Variants in CFAP91 observed in about 807,000 individuals in gnomAD.
The protein encoded by CFAP91 is cilia and flagella associated protein 91.
Under a neutral mutation model 95.9 loss-of-function variants are expected in CFAP91, and 85 were observed. The ratio of observed to expected loss-of-function variants is 0.89; its 90% confidence interval spans 0.74 to 1.06. The LOEUF (loss-of-function observed/expected upper bound fraction) is 1.06. Ranked by LOEUF, CFAP91 falls within the 50% of genes least tolerant of loss-of-function variation. CFAP91 has a pLI of 0.00. For synonymous variants in CFAP91, 335 were observed against 327.5 expected, an observed-to-expected ratio of 1.02 and a Z score of -0.25; for missense variants, 962 against 943.4, an observed-to-expected ratio of 1.02 and a Z score of -0.26.
chr3:119,705,234 T>C (rs578013520), intron 1 of CFAP91, among the ~76,000 whole-genome samples: 6 of 152,222 alleles, frequency 3.9e-5, no homozygotes, highest in Non-Finnish European at 8.8e-5. Context: ...AAAATTTAAG[T>C]TAGAAATTTA....
intron 1 of CFAP91, among the ~76,000 whole-genome samples, chr3:119,704,385 AGGAAGCGAAG>A (rs956594225): frequency 6.6e-6 from 1 of 152,214 alleles, no homozygotes. Flanking sequence ...AGTCATGGAC[AGGAAGCGAAG>A]TATAGCCAGG....
chr3:119,740,521 G>A (rs1295726877), intron 12 of CFAP91, 28 bp from the exon 13 acceptor site: 2 of 1,607,956 alleles, frequency 1.2e-6, no homozygotes, highest in Non-Finnish European at 1.7e-6. Flanking sequence ...GTAACTTGCA[G>A]GTCTGTCTTT....
At chr3:119,757,325 C>G (rs1421939062) in intron 17 of CFAP91, among the ~76,000 whole-genome samples, 1 of 151,994 alleles carries the variant, frequency 6.6e-6, no homozygotes, top group African/African-American at 2.4e-5. Context: ...AACTAACAAG[C>G]AAGTGGAGAG....
intron 1 of CFAP91, among the ~76,000 whole-genome samples, chr3:119,705,518 C>G (rs958222199): frequency 1.3e-5 from 2 of 152,184 alleles, no homozygotes; most frequent in Non-Finnish European, 2.9e-5. Flanking sequence ...TCAGATGTAT[C>G]AGGCATGCTC....
intron 6 of CFAP91, among the ~76,000 whole-genome samples, chr3:119,719,763 C>T (rs76166263): frequency 0.019 from 2,948 of 152,236 alleles, 36 homozygotes; most frequent in Middle Eastern, 0.065. Context: ...GAATAAACAA[C>T]TTAAGAAATA....
chr3:119,715,509 A>C, intron 5 of CFAP91, 53 bp from the exon 6 acceptor site: 1 of 1,416,404 alleles, frequency 7.1e-7, no homozygotes, highest in Non-Finnish European at 1.0e-6. Flanking sequence ...ATTATATAAT[A>C]TTTTAAGTGA....
intron 13 of CFAP91, among the ~76,000 whole-genome samples, chr3:119,743,211 G>A (rs914129112): frequency 2.0e-5 from 3 of 150,930 alleles, no homozygotes; most frequent in African/African-American, 7.3e-5. Context: ...TCTGCCTCCT[G>A]GGCGCAGGCA....
chr3:119,736,127 CA>C (rs1464350293), intron 10 of CFAP91, among the ~76,000 whole-genome samples: 3 of 152,028 alleles, frequency 2.0e-5, no homozygotes, highest in Admixed American at 6.6e-5. Context: ...AGCATATTTA[CA>C]AATCTGTGCA....
In CFAP91 at chr3:119,703,083, G is replaced by A; in HGVS notation, c.-16G>A. 1.3e-6 allele frequency: 2 copies of A among 1,551,214 alleles called. No homozygotes were observed. Among genetic ancestry groups the A allele is most frequent in the Non-Finnish European group, 1.7e-6 (2 of 1,147,308 alleles). ...ACCCGCTGGTCCCTTGCTGGCGGGA[G>A]GAAAGAGGCGGCACCATGAGCCACG... On this transcript the variant is annotated 5_prime_UTR_variant, in exon 1 of 18. Transcript: ENST00000273390.
At chr3:119,708,743 A>ATAT in intron 4 of CFAP91, 69 bp downstream of exon 4, 9 of 947,082 alleles carry the variant, frequency 9.5e-6, no homozygotes, top group Non-Finnish European at 1.5e-5. Flanking sequence ...GATAATAATA[A>ATAT]TAGTTATCAT....
At chr3:119,759,656 C>T (rs935436396) in intron 17 of CFAP91, among the ~76,000 whole-genome samples, 1 of 151,840 alleles carries the variant, frequency 6.6e-6, no homozygotes, top group African/African-American at 2.4e-5. Context: ...AAAGACAAAA[C>T]TATTAAAAAT....
intron 5 of CFAP91, among the ~76,000 whole-genome samples, chr3:119,712,201 T>C (rs1214562661): frequency 6.6e-6 from 1 of 152,076 alleles, no homozygotes; most frequent in Non-Finnish European, 1.5e-5. Context: ...CATATTTTAC[T>C]CTCCCCTAAA....
chr3:119,715,549 T>C lies in CFAP91; in HGVS notation c.501-13T>C. 6.2e-7 allele frequency: 1 copy of C among 1,611,616 alleles called. No individual in the cohort carries two copies. Among genetic ancestry groups the C allele is most frequent in the Non-Finnish European group, 8.5e-7 (1 of 1,178,268 alleles). ...AACAGGTTTCAATTTTTAAACTGAT[T>C]TTTCTCTTTTAGGGCAGAACCATAC... On this transcript the variant is annotated splice_polypyrimidine_tract_variant and intron_variant, in intron 5 of 17. Coordinates refer to ENST00000273390, the MANE Select transcript of CFAP91 (RefSeq NM_033364.4).
intron 6 of CFAP91, among the ~76,000 whole-genome samples, chr3:119,725,105 A>G (rs773412732): frequency 3.3e-4 from 50 of 152,234 alleles, no homozygotes; most frequent in Non-Finnish European, 3.5e-4. Flanking sequence ...ATGAAAATAA[A>G]ACAAAGGTTG....
intron 13 of CFAP91, among the ~76,000 whole-genome samples, chr3:119,741,736 C>G (rs771277617): frequency 6.6e-6 from 1 of 152,034 alleles, no homozygotes; most frequent in East Asian, 1.9e-4. Flanking sequence ...TTAATATGAC[C>G]CCCCCTTTAG....
rs200730852 is a variant in CFAP91, at chr3:119,744,164, C to G, written c.1870C>G (p.Arg624Gly). ...ESGRRQVEKQ[R>G]LREEDEIFKE... is the part of the protein sequence containing the mutation. ...TGGTCGGCGCCAGGTGGAAAAACAGCGCCTGCGGGAGGAGGACGAGATATT... is the reference window on the plus strand; with the variant it reads ...TGGTCGGCGCCAGGTGGAAAAACAGGGCCTGCGGGAGGAGGACGAGATATT... Residue 624 changes from arginine (R) to glycine (G), a missense_variant, in exon 14 of 18, where the codon CGC (arginine) becomes GGC (glycine). Arg to Gly is a moderately radical substitution (Grantham distance 125). Transcript: ENST00000273390. The G allele has an allele frequency of 6.2e-7, 1 of 1,613,188 alleles. No individual in the cohort carries two copies.
At chr3:119,723,231 C>T (rs534320098) in intron 6 of CFAP91, among the ~76,000 whole-genome samples, 18 of 152,138 alleles carry the variant, frequency 1.2e-4, no homozygotes, top group African/African-American at 2.7e-4. Flanking sequence ...AAGCATGCAC[C>T]GTGGGAGAGG....
chr3:119,749,812 T>TTG (rs757883269), intron 16 of CFAP91, among the ~76,000 whole-genome samples: 9 of 152,214 alleles, frequency 5.9e-5, no homozygotes, highest in Non-Finnish European at 1.0e-4. Flanking sequence ...TTTTGAGGTA[T>TTG]ATCACTTTTT....
At chr3:119,759,915 C>T (rs1005198935) in intron 17 of CFAP91, among the ~76,000 whole-genome samples, 4 of 151,670 alleles carry the variant, frequency 2.6e-5, no homozygotes, top group African/African-American at 9.7e-5. Flanking sequence ...CAAGGCATGG[C>T]GCTAGAGAAA....
Sources: allele counts gnomAD v4.1 joint callset (sites outside exome capture counted in the v4.1 genomes callset), GRCh38; gene constraint gnomAD v4.1.1; transcripts MANE v1.5; gene names NCBI Gene and HGNC (gene_info 2026-07-23, HGNC 2026-07-21).